The following PNPLA1 variants were observed in gnomAD, a reference collection of about 807,000 sequenced individuals.
PNPLA1 encodes omega-hydroxyceramide transacylase.
A neutral mutation model predicts 51.7 loss-of-function variants in PNPLA1; 36 were observed. The ratio of observed to expected loss-of-function variants is 0.70; its 90% CI spans 0.53 to 0.92. The LOEUF is 0.92. PNPLA1 is among the 40% of genes least tolerant of loss of function. The probability of loss-of-function intolerance (pLI) is 0.00; values close to 1 mark genes in which losing one functional copy is unlikely to be tolerated. For synonymous variants in PNPLA1, 293 were observed against 280.1 expected (o/e 1.05, Z -0.46); for missense variants, 658 against 682.5 (o/e 0.96, Z 0.40).
chr6:36,249,716 G>T (rs1338481631), intron 1 of PNPLA1, among the ~76,000 whole-genome samples: 1 of 152,198 alleles, frequency 6.6e-6, no homozygotes, highest in Non-Finnish European at 1.5e-5. Flanking sequence ...ATGGGCTCTG[G>T]ACTCAGACCA....
chr6:36,273,728 C>CAAAAAAAAAAAAAAAAAA (rs57186870), intron 1 of PNPLA1, among the ~76,000 whole-genome samples: 9 of 48,208 alleles, frequency 1.9e-4, no homozygotes, highest in South Asian at 3.0e-3. Context: ...GACCCCATCG[C>CAAAAAAAAAAAAAAAAAA]AAAAAAAAAA....
intron 1 of PNPLA1, among the ~76,000 whole-genome samples, chr6:36,258,327 G>T (rs1442246615): frequency 7.2e-5 from 11 of 152,064 alleles, no homozygotes; most frequent in Admixed American, 5.9e-4. Flanking sequence ...GGTTTTTCAC[G>T]CCAGTACAAG....
intron 5 of PNPLA1, among the ~76,000 whole-genome samples, chr6:36,301,252 A>G (rs1395409708): frequency 6.6e-6 from 1 of 152,026 alleles, no homozygotes; most frequent in Non-Finnish European, 1.5e-5. Flanking sequence ...AATGAGTCTT[A>G]CAGCCACAGT....
At chr6:36,250,226 G>A (rs187513001) in intron 1 of PNPLA1, among the ~76,000 whole-genome samples, 34 of 152,190 alleles carry the variant, frequency 2.2e-4, no homozygotes, top group Non-Finnish European at 4.7e-4. Context: ...TTTTGTTCCC[G>A]GCTAAAGCAA....
At chr6:36,306,556 G>A (rs747678371) in intron 7 of PNPLA1, among the ~76,000 whole-genome samples, 180 bp downstream of exon 7, 26 of 152,188 alleles carry the variant, frequency 1.7e-4, no homozygotes, top group Admixed American at 5.9e-4. Context: ...CTCTTGTTCA[G>A]TTAGGGCAGT....
At chr6:36,311,561 T>A (rs1393509683) in intron 8 of PNPLA1, among the ~76,000 whole-genome samples, 2 of 152,142 alleles carry the variant, frequency 1.3e-5, no homozygotes, top group Non-Finnish European at 2.9e-5. Context: ...ACGGAGATTT[T>A]AAAATTATCC....
rs1267118182 is a variant in PNPLA1, at chr6:36,291,357, G to A, written c.243G>A (p.Glu81=). Residue 81 remains glutamate, a synonymous_variant, in exon 2 of 9, where the codon GAG becomes GAA. Transcript: ENST00000636260. The part of the protein sequence containing the change: ...YLRVLNVGVA[E]VKKSFLGPLS... ...GAGTCCTCAACGTGGGTGTGGCCGA[G>A]GTGAAGAAATCCTTCCTGGGGCCCT... The A allele has an allele frequency of 1.9e-6, 3 of 1,614,040 alleles. No individual in the cohort carries two copies. Among genetic ancestry groups the A allele is most frequent in the South Asian group, 2.2e-5 (2 of 91,084 alleles).
intron 1 of PNPLA1, among the ~76,000 whole-genome samples, chr6:36,245,781 C>T (rs1769263417): frequency 6.6e-6 from 1 of 152,242 alleles, no homozygotes; most frequent in African/African-American, 2.4e-5. Flanking sequence ...GGTAGGCAAA[C>T]AGGGGCTCAG....
intron 1 of PNPLA1, among the ~76,000 whole-genome samples, chr6:36,272,116 A>G (rs1319020405): frequency 1.3e-5 from 2 of 152,204 alleles, no homozygotes; most frequent in East Asian, 3.8e-4. Context: ...CTTTACTTCT[A>G]TTATCATTAT....
chr6:36,259,932 T>G (rs897348312), intron 1 of PNPLA1, among the ~76,000 whole-genome samples: 6 of 151,960 alleles, frequency 3.9e-5, no homozygotes, highest in Non-Finnish European at 8.8e-5. Flanking sequence ...CATCACAAAA[T>G]GTACCCAGGT....
At position 36,291,554 on chromosome 6, in the gene PNPLA1, CA is replaced by C; in HGVS notation, c.438+4del. ...ACGTCCAAGGAGGAGCTCATTGAGGCAAGGGGGCTGGGCTGGGAGGGAGGGA... is the reference window on the plus strand; with the variant it reads ...ACGTCCAAGGAGGAGCTCATTGAGGCAGGGGGCTGGGCTGGGAGGGAGGGA... On this transcript the variant is annotated splice_donor_region_variant and intron_variant, in intron 2 of 8. Coordinates refer to ENST00000636260, the MANE Select transcript of PNPLA1 (RefSeq NM_001374623.1). 1 of 743,770 alleles carries C rather than the reference CA, an allele frequency of 1.3e-6. No individual in the cohort carries two copies. The highest frequency in any genetic ancestry group is 1.9e-6 in the Non-Finnish European group (1 of 517,944). 46.1% of individuals were successfully genotyped at this position (743,770 alleles called of 1,614,324 possible).
chr6:36,280,413 T>G (rs1770244139), intron 1 of PNPLA1, among the ~76,000 whole-genome samples: 1 of 152,212 alleles, frequency 6.6e-6, no homozygotes, highest in Non-Finnish European at 1.5e-5. Flanking sequence ...CCAATTTTCA[T>G]GTTAATTACT....
chr6:36,300,383 ATGG>A, intron 5 of PNPLA1, among the ~76,000 whole-genome samples: 1 of 152,020 alleles, frequency 6.6e-6, no homozygotes, highest in Non-Finnish European at 1.5e-5. Flanking sequence ...TTTAGTAGAG[ATGG>A]GGTTTCACCG....
chr6:36,256,244 A>G (rs1170763110), intron 1 of PNPLA1, among the ~76,000 whole-genome samples: 5 of 151,962 alleles, frequency 3.3e-5, no homozygotes. Flanking sequence ...TAATCCTAGC[A>G]CTTTGAGAGG....
At chr6:36,275,005 G>C (rs546243067) in intron 1 of PNPLA1, among the ~76,000 whole-genome samples, 1 of 151,862 alleles carries the variant, frequency 6.6e-6, no homozygotes, top group Non-Finnish European at 1.5e-5. Flanking sequence ...ATTTTGCTTC[G>C]ATGTCTTTTG....
chr6:36,287,794 A>ACC (rs1491114328), intron 1 of PNPLA1, among the ~76,000 whole-genome samples: 7 of 133,646 alleles, frequency 5.2e-5, no homozygotes, highest in Non-Finnish European at 1.2e-4. Flanking sequence ...ACACACACAC[A>ACC]CCCCTGGAGA....
chr6:36,306,679 T>C (rs1771248313), intron 7 of PNPLA1, among the ~76,000 whole-genome samples: 1 of 152,196 alleles, frequency 6.6e-6, no homozygotes, highest in Non-Finnish European at 1.5e-5. Context: ...CCTCATATTT[T>C]ACTCTCTGGT....
chr6:36,262,186 C>T (rs1277418355), intron 1 of PNPLA1, among the ~76,000 whole-genome samples: 3 of 152,116 alleles, frequency 2.0e-5, no homozygotes, highest in Non-Finnish European at 4.4e-5. Flanking sequence ...CCAGGCTGAT[C>T]CTCTGGCTCA....
intron 8 of PNPLA1, among the ~76,000 whole-genome samples, chr6:36,310,052 T>A (rs1484520411): frequency 2.0e-5 from 3 of 152,252 alleles, no homozygotes; most frequent in Non-Finnish European, 1.5e-5. Context: ...TTGAAATTCA[T>A]ACTCTGATGC....
Sources: allele counts gnomAD v4.1 joint callset (sites outside exome capture counted in the v4.1 genomes callset), GRCh38; gene constraint gnomAD v4.1.1; transcripts MANE v1.5; gene names NCBI Gene and HGNC (gene_info 2026-07-23, HGNC 2026-07-21).